The following DGCR2 variants were observed in gnomAD, a reference collection of about 807,000 sequenced individuals.
DGCR2 encodes the protein integral membrane protein DGCR2/IDD.
A neutral mutation model predicts 51.6 loss-of-function variants in DGCR2; 24 were observed. The ratio of observed to expected loss-of-function variants is 0.47; its 90% CI spans 0.34 to 0.65. The LOEUF is 0.65. Among genes scored for constraint, DGCR2 ranks in the 30% least tolerant of loss-of-function variants. The probability of loss-of-function intolerance (pLI) is 0.01; values close to 1 mark genes in which losing one functional copy is unlikely to be tolerated. For missense variants in DGCR2, 765 were observed against 772.1 expected (o/e 0.99, Z 0.11); for synonymous variants, 340 against 315.4 (o/e 1.08, Z -0.82).
rs1159079688 is a variant in DGCR2, at chr22:19,122,231, G to C, written c.-25C>G. On this transcript the variant is annotated 5_prime_UTR_variant, in exon 1 of 10. Transcript: ENST00000263196. ...TTTATCCTCCGTTCATCGTCCCCGG[G>C]GCGGCTGGAAGGCCGGACCAGGCCG... 1 of 1,254,236 alleles carries C rather than the reference G, an allele frequency of 8.0e-7. No homozygotes were observed. The highest frequency in any genetic ancestry group is 1.1e-6 in the Non-Finnish European group (1 of 937,238). The allele number at this position is 1,254,236 out of a possible 1,614,324, so 77.7% of individuals were successfully genotyped here.
chr22:19,040,087 C>A (rs2082414876), intron 9 of DGCR2, among the ~76,000 whole-genome samples: 1 of 152,162 alleles, frequency 6.6e-6, no homozygotes, highest in Non-Finnish European at 1.5e-5. Flanking sequence ...TCCCTCCCGG[C>A]CAGCCCCTCA....
Position 19,039,188 on chromosome 22 carries a change from AG to A in DGCR2, c.1397-68del. The A allele has an allele frequency of 5.7e-6, 9 of 1,583,062 alleles. No homozygotes were observed. The South Asian group carries it at 1.0e-4, about 18-fold the overall frequency. The stretch of plus-strand genomic sequence containing the variant: ...CTGGCACAGGGGATGCAGGGGAGCT[AG>A]GCAAAACCAGGAGACACTCCTCCTG... On this transcript the variant is annotated intron_variant, in intron 9 of 9. Coordinates refer to ENST00000263196, the MANE Select transcript of DGCR2 (RefSeq NM_005137.3).
chr22:19,110,098 T>A (rs2083298810), intron 1 of DGCR2, among the ~76,000 whole-genome samples: 1 of 152,226 alleles, frequency 6.6e-6, no homozygotes, highest in Non-Finnish European at 1.5e-5. Context: ...AAAGGAAACA[T>A]TTGCAGTCTG....
At chr22:19,071,451 A>G (rs1601232338) in intron 2 of DGCR2, among the ~76,000 whole-genome samples, 1 of 152,356 alleles carries the variant, frequency 6.6e-6, no homozygotes, top group Non-Finnish European at 1.5e-5. Flanking sequence ...TCGTGATTTG[A>G]TAATTTATGA....
intron 1 of DGCR2, among the ~76,000 whole-genome samples, chr22:19,116,901 T>G (rs1332757252): frequency 6.6e-6 from 1 of 151,646 alleles, no homozygotes; most frequent in African/African-American, 2.4e-5. Flanking sequence ...TGAGAGGACA[T>G]GCACACAACC....
At chr22:19,073,883 G>A (rs927491949) in intron 2 of DGCR2, among the ~76,000 whole-genome samples, 2 of 152,132 alleles carry the variant, frequency 1.3e-5, no homozygotes, top group Non-Finnish European at 1.5e-5. Context: ...AGGTTCCAAC[G>A]CAAGGAGACA....
intron 3 of DGCR2, chr22:19,065,947 T>C (rs1047248707): frequency 7.7e-6 from 1 of 130,560 alleles, no homozygotes; most frequent in Non-Finnish European, 1.6e-5. Flanking sequence ...ATGTATTTAT[T>C]ATGTAAGCAT....
In DGCR2 at chr22:19,057,728, G is replaced by A. The variant is rs1468176846; in HGVS notation, c.626-566C>T. On this transcript the variant is annotated intron_variant, in intron 5 of 9. Coordinates refer to ENST00000263196, the MANE Select transcript of DGCR2 (RefSeq NM_005137.3). This position sits in a 1 kb window ranked among gnomAD's most constrained non-coding sequence, Gnocchi z 5.1. ...CACTGGCTCCCGGGGACCTCTCTCA[G>A]CTCAAGGGAAACTGTCACCCACTCA... Among the ~76,000 whole-genome samples the A allele has an allele frequency of 6.6e-6, 1 of 150,786 alleles. No individual in the cohort carries two copies. Among genetic ancestry groups the A allele is most frequent in the Non-Finnish European group, 1.5e-5 (1 of 67,798 alleles).
At chr22:19,076,682 G>A (rs892896450) in intron 2 of DGCR2, among the ~76,000 whole-genome samples, 11 of 131,920 alleles carry the variant, frequency 8.3e-5, no homozygotes, top group African/African-American at 3.1e-4. Context: ...TCAGTCATTT[G>A]TTTATCTTCT....
Position 19,063,510 on chromosome 22 carries a change from TG to T in DGCR2, c.549-233del, listed in dbSNP as rs2082711291. On this transcript the variant is annotated intron_variant, in intron 4 of 9. Coordinates refer to ENST00000263196, the MANE Select transcript of DGCR2 (RefSeq NM_005137.3). Reference sequence around the variant, plus strand: ...CAGGCCACCACGCCCAGCTAATTTTTGTATTTTTTTTTTTTTTTTTAGTAGA... The same window carrying T: ...CAGGCCACCACGCCCAGCTAATTTTTTATTTTTTTTTTTTTTTTTAGTAGA... Among the ~76,000 whole-genome samples, 3 of 147,176 alleles carry T rather than the reference TG, an allele frequency of 2.0e-5. No homozygotes were observed. In the South Asian group the frequency reaches 6.7e-4, roughly 33 times the overall value.
intron 2 of DGCR2, among the ~76,000 whole-genome samples, chr22:19,082,338 T>A (rs756972691): frequency 2.6e-5 from 4 of 150,994 alleles, no homozygotes; most frequent in African/African-American, 4.9e-5. Flanking sequence ...AGTGCTGGGA[T>A]TCCTGGCATA....
At chr22:19,109,488 T>C (rs1430212345) in intron 1 of DGCR2, among the ~76,000 whole-genome samples, 2 of 152,212 alleles carry the variant, frequency 1.3e-5, no homozygotes, top group East Asian at 1.9e-4. Flanking sequence ...TGCTACAACA[T>C]GGATGAACCT....
chr22:19,083,202 C>T (rs2082960844), intron 2 of DGCR2, among the ~76,000 whole-genome samples: 1 of 152,178 alleles, frequency 6.6e-6, no homozygotes, highest in Non-Finnish European at 1.5e-5. Flanking sequence ...AGGGATCCAA[C>T]TGCATCCTTC....
chr22:19,104,714 G>A (rs1345776802), intron 1 of DGCR2, among the ~76,000 whole-genome samples: 2 of 152,182 alleles, frequency 1.3e-5, no homozygotes, highest in Non-Finnish European at 2.9e-5. Flanking sequence ...CAGAACAGAA[G>A]GTTCCAGCAT....
chr22:19,118,975 G>C (rs1021653830), intron 1 of DGCR2, among the ~76,000 whole-genome samples: 16 of 152,246 alleles, frequency 1.1e-4, no homozygotes, highest in African/African-American at 3.9e-4. Flanking sequence ...CACACCCCCA[G>C]TGATCATAAC....
intron 7 of DGCR2, chr22:19,046,684 G>C (rs374438892): frequency 2.6e-6 from 1 of 385,922 alleles, no homozygotes. Context: ...CCAGAAGAAG[G>C]CCCTAGGAGA....
chr22:19,094,317 A>C (rs555316939), intron 1 of DGCR2, among the ~76,000 whole-genome samples: 1 of 152,346 alleles, frequency 6.6e-6, no homozygotes, highest in African/African-American at 2.4e-5. Flanking sequence ...AATCCCAGCT[A>C]TTCAGGAGGC....
rs182397617 is a variant in DGCR2 at position 19,057,274 on chromosome 22, C to G, written c.626-112G>C. 1.1e-5 allele frequency: 13 copies of G among 1,191,284 alleles called. No individual in the cohort carries two copies. In the African/African-American group the frequency reaches 1.7e-4, roughly 16 times the overall value. 73.8% of individuals were successfully genotyped at this position (1,191,284 alleles called of 1,614,324 possible). The stretch of plus-strand genomic sequence containing the variant: ...GGATCATCAACCACAGGGCCTGGAC[C>G]GCCAAGTACTGGTGGTCACTGTGGC... On this transcript the variant is annotated intron_variant, in intron 5 of 9. Coordinates refer to ENST00000263196, the MANE Select transcript of DGCR2 (RefSeq NM_005137.3). This position sits in a 1 kb window ranked among gnomAD's most constrained non-coding sequence, Gnocchi z 5.1.
chr22:19,073,076 G>T (rs1241295272), intron 2 of DGCR2, among the ~76,000 whole-genome samples: 1 of 151,974 alleles, frequency 6.6e-6, no homozygotes, highest in African/African-American at 2.4e-5. Context: ...GGGCAACACA[G>T]CAAGACCCTG....
Sources: gnomAD v4.1 joint callset for allele counts (sites outside exome capture counted in the v4.1 genomes callset) on GRCh38, gnomAD v4.1.1 for gene constraint, Gnocchi (gnomAD v3.1) non-coding constraint, MANE v1.5 for transcripts, NCBI Gene and HGNC (gene_info 2026-07-23, HGNC 2026-07-21) for gene names.